ZFTRAF1: variants seen among roughly 807,000 people sequenced by gnomAD.
The protein encoded by ZFTRAF1 is zinc finger TRAF-type-containing protein 1.
the ZFTRAF1 span, among the ~76,000 whole-genome samples, chr8:144,461,973 T>G: frequency 6.6e-6 from 1 of 151,768 alleles, no homozygotes; most frequent in Non-Finnish European, 1.5e-5. Flanking sequence ...CAGGGGACCG[T>G]GGGGAAGTCT....
chr8:144,461,875 C>CT, the ZFTRAF1 span, among the ~76,000 whole-genome samples: 1 of 152,128 alleles, frequency 6.6e-6, no homozygotes, highest in Non-Finnish European at 1.5e-5. Context: ...GCACAGGACT[C>CT]TGAGCCCAGG....
the ZFTRAF1 span, chr8:144,456,228 G>A: frequency 3.8e-3 from 581 of 152,560 alleles, 5 homozygotes; most frequent in African/African-American, 0.012. Context: ...TGCATGGCCC[G>A]GTCCCGACCA....
the ZFTRAF1 span, among the ~76,000 whole-genome samples, chr8:144,460,416 G>T: frequency 6.6e-6 from 1 of 152,214 alleles, no homozygotes; most frequent in African/African-American, 2.4e-5. Context: ...CTCTGTGCCG[G>T]GCCAGTCTAG....
At chr8:144,459,803 G>A in the ZFTRAF1 span, among the ~76,000 whole-genome samples, 2 of 152,238 alleles carry the variant, frequency 1.3e-5, no homozygotes, top group Non-Finnish European at 2.9e-5. Context: ...CAGCTTGGCT[G>A]GTGCCCACCC....
the ZFTRAF1 span, chr8:144,453,185 C>T: frequency 1.3e-6 from 2 of 1,534,752 alleles, no homozygotes; most frequent in Middle Eastern, 4.1e-4. Context: ...CAGTCCTGGG[C>T]CCCGCCTGTA....
the ZFTRAF1 span, among the ~76,000 whole-genome samples, chr8:144,459,751 C>A: frequency 6.6e-6 from 1 of 152,230 alleles, no homozygotes; most frequent in Non-Finnish European, 1.5e-5. Flanking sequence ...CATGGCCACT[C>A]CCCTCTTCTC....
chr8:144,453,619 C>T, the ZFTRAF1 span: 4 of 644,790 alleles, frequency 6.2e-6, no homozygotes, highest in Non-Finnish European at 1.1e-5. Flanking sequence ...GTGTGGTGAA[C>T]ACTGCGAGCT....
the ZFTRAF1 span, among the ~76,000 whole-genome samples, chr8:144,461,492 C>T: frequency 6.6e-6 from 1 of 152,190 alleles, no homozygotes; most frequent in Non-Finnish European, 1.5e-5. Flanking sequence ...AGGGCTGAGT[C>T]CCACTGCCAT....
chr8:144,452,956 TG>T, the ZFTRAF1 span, among the ~76,000 whole-genome samples: 1 of 152,250 alleles, frequency 6.6e-6, no homozygotes, highest in Non-Finnish European at 1.5e-5. Context: ...CACGCTGTCC[TG>T]GGCCCTTCAA....
At chr8:144,450,832 C>T in the ZFTRAF1 span, 5 of 637,672 alleles carry the variant, frequency 7.8e-6, no homozygotes, top group South Asian at 5.3e-5. Context: ...TGGGCAGCAA[C>T]GCCTTCCCTG....
At chr8:144,453,500 G>GAGCATGAGCCCGCA in the ZFTRAF1 span, 4 of 1,515,528 alleles carry the variant, frequency 2.6e-6, no homozygotes, top group Non-Finnish European at 2.7e-6. Flanking sequence ...ACAGACCTGC[G>GAGCATGAGCCCGCA]GGCTCATGCT....
the ZFTRAF1 span, chr8:144,453,478 G>A: frequency 6.5e-7 from 1 of 1,540,848 alleles, no homozygotes; most frequent in Non-Finnish European, 8.8e-7. Context: ...GAAGGAAAGG[G>A]AGACGAAGCT....
the ZFTRAF1 span, chr8:144,462,163 G>A: frequency 2.7e-6 from 1 of 369,864 alleles, no homozygotes; most frequent in Admixed American, 4.8e-5. Flanking sequence ...AAGGGCCAGA[G>A]AGGGTTCCCG....
the ZFTRAF1 span, among the ~76,000 whole-genome samples, chr8:144,460,905 G>A: frequency 2.0e-5 from 3 of 152,154 alleles, no homozygotes; most frequent in Non-Finnish European, 4.4e-5. Context: ...GAGTTCTTCC[G>A]CCTGGGAGGA....
chr8:144,462,301 G>A, the ZFTRAF1 span: 3 of 598,818 alleles, frequency 5.0e-6, no homozygotes, highest in African/African-American at 2.0e-5. Flanking sequence ...CGGAGGCCTT[G>A]GGCAGGTCCA....
the ZFTRAF1 span, among the ~76,000 whole-genome samples, chr8:144,458,324 G>A: frequency 6.6e-6 from 1 of 152,228 alleles, no homozygotes; most frequent in Non-Finnish European, 1.5e-5. Flanking sequence ...AACCACCACA[G>A]AAAACAAAAA....
chr8:144,462,002 G>A, the ZFTRAF1 span, among the ~76,000 whole-genome samples: 10 of 152,248 alleles, frequency 6.6e-5, no homozygotes, highest in South Asian at 2.1e-4. Flanking sequence ...GAAGGGAGAG[G>A]TAAGCGGAAG....
At chr8:144,458,556 G>A in the ZFTRAF1 span, among the ~76,000 whole-genome samples, 1 of 152,206 alleles carries the variant, frequency 6.6e-6, no homozygotes, top group Admixed American at 6.5e-5. Flanking sequence ...CTGTTGGCCT[G>A]GTTGGGGGTG....
the ZFTRAF1 span, chr8:144,457,197 C>G: frequency 6.6e-6 from 1 of 151,944 alleles, no homozygotes; most frequent in Non-Finnish European, 1.5e-5. Flanking sequence ...GGAATGACAT[C>G]ACGGGGGAAT....
Sources: allele counts gnomAD v4.1 joint callset (sites outside exome capture counted in the v4.1 genomes callset), GRCh38; gene constraint gnomAD v4.1.1; transcripts MANE v1.5; gene names NCBI Gene and HGNC (gene_info 2026-07-23, HGNC 2026-07-21).